The following MUC5B variants were observed in gnomAD, a reference collection of about 807,000 sequenced individuals.
The protein encoded by MUC5B is mucin 5B, oligomeric mucus/gel-forming.
A neutral mutation model predicts 376.9 loss-of-function variants in MUC5B; 116 were observed. The ratio of observed to expected loss-of-function variants is 0.31; its 90% CI spans 0.26 to 0.36. MUC5B has a LOEUF of 0.36. Ranked by LOEUF, MUC5B falls within the 10% of genes least tolerant of loss-of-function variation. The probability of loss-of-function intolerance (pLI) is 1.00; values close to 1 mark genes in which losing one functional copy is unlikely to be tolerated. For synonymous variants in MUC5B, 3,517 were observed against 3,390.9 expected (o/e 1.04, Z -1.29); for missense variants, 7,165 against 7,769.9 (o/e 0.92, Z 2.93).
rs746762399 is a variant in MUC5B at position 1,250,702 on chromosome 11, A to C, written c.13822A>C (p.Ser4608Arg). The C allele has an allele frequency of 1.5e-5, 24 of 1,612,544 alleles. No homozygotes were observed. The highest frequency in any genetic ancestry group is 2.0e-5 in the Non-Finnish European group (23 of 1,179,448). ...GGGCTTCACAGCCACCCCCTCCTCC[A>C]GCCCAGGGACGGCACTCACGCCTCC... Reference protein sequence around the residue: ...TTGFTATPSSSPGTALTPPVW... With the variant: ...TTGFTATPSSRPGTALTPPVW... The change falls in exon 31 of 49, where the codon AGC (serine) becomes CGC (arginine). Residue 4608 changes from serine (S) to arginine (R), a missense_variant. By Grantham distance (110) the Ser-to-Arg change is moderately radical. Coordinates refer to ENST00000529681, the MANE Select transcript of MUC5B (RefSeq NM_002458.3).
rs55859402 is a variant in MUC5B at position 1,233,859 on chromosome 11, CCCCTGCCCTG to C, written c.2377+25_2377+34del. ...TGCAGAAAAGCACAGGTAAGTGCCA[CCCCTGCCCTG>C]CCCTGCCCTGCCCCGCCCCGCATCA... is the stretch of plus-strand genomic sequence containing the variant. On this transcript the variant is annotated intron_variant, in intron 19 of 48. Transcript: ENST00000529681. 7.7e-6 allele frequency: 12 copies of C among 1,568,244 alleles called. No homozygotes were observed. Among genetic ancestry groups the C allele is most frequent in the African/African-American group, 4.1e-5 (3 of 73,762 alleles).
rs764495803 is a variant in MUC5B, at chr11:1,251,153, T to C, written c.14273T>C (p.Leu4758Pro). ...TTTACACCCATCCCCTCCTCCACCC[T>C]GTGGACCACGTGGACCGTCCCAGCA... ...TSFTPIPSST[L>P]WTTWTVPAQT... Residue 4758 changes from leucine to proline, a missense_variant, in exon 31 of 49, where the codon CTG (leucine) becomes CCG (proline). This residue lies in a region of MUC5B where 730 missense variants were observed against 592.7 expected (regional missense o/e 1.23). Transcript: ENST00000529681. The C allele has an allele frequency of 2.2e-5, 35 of 1,610,896 alleles. No homozygotes were observed. Among genetic ancestry groups the C allele is most frequent in the Middle Eastern group, 3.3e-4 (2 of 6,080 alleles).
Position 1,259,743 on chromosome 11 carries a change from CAT to C in MUC5B, c.16714-12_16714-11del. On this transcript the variant is annotated splice_polypyrimidine_tract_variant and intron_variant, in intron 44 of 48. Coordinates refer to ENST00000529681, the MANE Select transcript of MUC5B (RefSeq NM_002458.3). ...GAGAGGGTTAGGGCCTGACGCCCCT[CAT>C]GTCCCCACAGGGCTTTGAGTACAAG... 1.2e-6 allele frequency: 2 copies of C among 1,612,122 alleles called. No individual in the cohort carries two copies. Among genetic ancestry groups the C allele is most frequent in the Non-Finnish European group, 1.7e-6 (2 of 1,179,504 alleles).
Position 1,247,543 on chromosome 11 carries a change from C to T in MUC5B, c.10663C>T (p.Pro3555Ser), listed in dbSNP as rs756220861. ...CAAGACCCGCACCTCGACCCTGCTG[C>T]CCAGCAGCCCCACATCGGCCCCCAT... ...PSKTRTSTLL[P>S]SSPTSAPITT... Residue 3555 changes from proline to serine, a missense_variant, in exon 31 of 49, where the codon CCC (proline) becomes TCC (serine). Around this residue, in one of 31 missense-constraint regions of MUC5B, gnomAD observed 939 missense variants for 770.6 expected, o/e 1.22. Coordinates refer to ENST00000529681, the MANE Select transcript of MUC5B (RefSeq NM_002458.3). 2 of 1,611,014 alleles carry T rather than the reference C, an allele frequency of 1.2e-6. No homozygotes were observed. The highest frequency in any genetic ancestry group is 2.2e-5 in the South Asian group (2 of 90,952).
Position 1,240,072 on chromosome 11 carries a change from C to A in MUC5B, c.3756C>A (p.Cys1252Ter). ...ACTGCACACCCAGTGGCATCCAGTG[C>A]GCTCACAGCCTTGAGGGTAAGGAAG... The part of the protein sequence containing the change: ...SCNCTPSGIQ[C>*]AHSLEACTCT... The change falls in exon 29 of 49, where the codon TGC becomes TGA. Residue 1252 changes from cysteine (C) to a stop codon, truncating the protein, a stop_gained. Coordinates refer to ENST00000529681, the MANE Select transcript of MUC5B (RefSeq NM_002458.3). LOFTEE classifies it high-confidence loss of function. 6.4e-7 allele frequency: 1 copy of A among 1,567,080 alleles called. No individual in the cohort carries two copies. The highest frequency in any genetic ancestry group is 8.7e-7 in the Non-Finnish European group (1 of 1,154,988).
chr11:1,235,804 C>A (rs766401313), intron 23 of MUC5B, among the ~76,000 whole-genome samples: 1 of 151,748 alleles, frequency 6.6e-6, no homozygotes, highest in South Asian at 2.1e-4. Context: ...GGCCCCCCCC[C>A]GCCCCCACGT....
rs1564937858 is a variant in MUC5B at position 1,240,352 on chromosome 11, C to T, written c.3947C>T (p.Ala1316Val). Residue 1316 changes from alanine (A) to valine (V), a missense_variant, in exon 30 of 49, where the codon GCC becomes GTC. By Grantham distance (64) the Ala-to-Val change is moderately conservative (BLOSUM62 0). This residue lies in a region of MUC5B where 517 missense variants were observed against 545.3 expected (regional missense o/e 0.95). Transcript: ENST00000529681. ...ACAACGCCATTCACCTTCACCACCG[C>T]CTGGGTCCCCCACTCCACGACAAGT... The part of the protein sequence containing the change: ...PATTPFTFTT[A>V]WVPHSTTSPA... The T allele has an allele frequency of 4.4e-6, 7 of 1,603,756 alleles. No homozygotes were observed. The highest frequency in any genetic ancestry group is 6.0e-6 in the Non-Finnish European group (7 of 1,172,630).
chr11:1,247,153 A>C lies in MUC5B; in HGVS notation c.10273A>C (p.Thr3425Pro). ...IPPVLTTTAT[T>P]PAATSSTVTP... ...CCCAGTGCTGACCACCACCGCCACCACACCTGCAGCCACCAGCAGCACAGT... is the reference window on the plus strand; with the variant it reads ...CCCAGTGCTGACCACCACCGCCACCCCACCTGCAGCCACCAGCAGCACAGT... Residue 3425 changes from threonine (T) to proline (P), a missense_variant, in exon 31 of 49, where the codon ACA becomes CCA. Physicochemically the swap from Thr to Pro is conservative, Grantham distance 38. Around this residue, in one of 31 missense-constraint regions of MUC5B, gnomAD observed 939 missense variants for 770.6 expected, o/e 1.22. Transcript: ENST00000529681. The C allele has an allele frequency of 6.5e-7, 1 of 1,539,696 alleles. No individual in the cohort carries two copies. The highest frequency in any genetic ancestry group is 1.9e-5 in the Admixed American group (1 of 52,802).
rs369966078 is a variant in MUC5B at position 1,239,554 on chromosome 11, C to T, written c.3571C>T (p.Pro1191Ser). ...CAGTGGGCACTGCCTGGTGGACCTG[C>T]CTGGCCTGGAAGGTGAGGGGCAGCC... ...NPSGHCLVDLPGLEGCYPKCP... is the reference protein window; with the variant it reads ...NPSGHCLVDLSGLEGCYPKCP... Residue 1191 changes from proline to serine, a missense_variant, in exon 27 of 49, where the codon CCT becomes TCT. Physicochemically the swap from Pro to Ser is moderately conservative, Grantham distance 74. Coordinates refer to ENST00000529681, the MANE Select transcript of MUC5B (RefSeq NM_002458.3). 2.8e-5 allele frequency: 44 copies of T among 1,579,954 alleles called. No individual in the cohort carries two copies. The African/African-American group carries it at 5.7e-4, about 20-fold the overall frequency.
At position 1,226,688 on chromosome 11, in the gene MUC5B, C is replaced by T. The variant is rs768462213; in HGVS notation, c.273C>T (p.Asp91=). 8 of 1,612,512 alleles carry T rather than the reference C, an allele frequency of 5.0e-6. No individual in the cohort carries two copies. The African/African-American group carries it at 8.0e-5, about 16-fold the overall frequency. ...TCCACTACAAGACCTTCGACGGCGA[C>T]GTCTTCCGCTTCCCTGGCCTTTGCA... The part of the protein sequence containing the change: ...GDFHYKTFDG[D]VFRFPGLCNY... Residue 91 remains aspartate (D), a synonymous_variant, in exon 4 of 49, where the codon GAC becomes GAT. Coordinates refer to ENST00000529681, the MANE Select transcript of MUC5B (RefSeq NM_002458.3).
chr11:1,240,538 C>A (rs1418756359), intron 30 of MUC5B, among the ~76,000 whole-genome samples, 163 bp downstream of exon 30: 1 of 152,180 alleles, frequency 6.6e-6, no homozygotes, highest in African/African-American at 2.4e-5. Flanking sequence ...CTGCGTGTCT[C>A]CAGGGGCTCC....
chr11:1,246,776 C>A lies in MUC5B; in HGVS notation c.9896C>A (p.Thr3299Asn), dbSNP rs200737515. The change falls in exon 31 of 49, where the codon ACC (threonine) becomes AAC (asparagine). Residue 3299 changes from threonine to asparagine, a missense_variant. Physicochemically the swap from Thr to Asn is moderately conservative, Grantham distance 65. This residue lies in a region of MUC5B where 939 missense variants were observed against 770.6 expected (regional missense o/e 1.22). Coordinates refer to ENST00000529681, the MANE Select transcript of MUC5B (RefSeq NM_002458.3). Reference sequence around the variant, plus strand: ...GGCTCTGTGGCCACCCCCTCCTCCACCCCAGGAACAGCTCACACTACCAAA... The same window carrying A: ...GGCTCTGTGGCCACCCCCTCCTCCAACCCAGGAACAGCTCACACTACCAAA... The part of the protein sequence containing the change: ...ATGSVATPSS[T>N]PGTAHTTKVP... The A allele has an allele frequency of 4.4e-6, 7 of 1,605,780 alleles. No individual in the cohort carries two copies. In the Admixed American group the frequency reaches 8.4e-5, roughly 19 times the overall value.
chr11:1,232,467 T>C lies in MUC5B; in HGVS notation c.1861T>C (p.Trp621Arg), dbSNP rs1023625023. 4.4e-6 allele frequency: 7 copies of C among 1,608,712 alleles called. No homozygotes were observed. Among genetic ancestry groups the C allele is most frequent in the African/African-American group, 4.0e-5 (3 of 74,744 alleles). ...CCCCACAGAGAACTACGCCCGGCAC[T>C]GGTGCTCGCGCCTGACCGATCCCAA... ...SVENENYARH[W>R]CSRLTDPNSA... The change falls in exon 16 of 49, where the codon TGG (tryptophan) becomes CGG (arginine). Residue 621 changes from tryptophan to arginine, a missense_variant. Trp to Arg is a moderately radical substitution (Grantham distance 101). Around this residue, in one of 31 missense-constraint regions of MUC5B, gnomAD observed 530 missense variants for 604.0 expected, o/e 0.88. Coordinates refer to ENST00000529681, the MANE Select transcript of MUC5B (RefSeq NM_002458.3).
chr11:1,252,456 G>A lies in MUC5B; in HGVS notation c.14977G>A (p.Val4993Met), dbSNP rs753336092. 1.9e-5 allele frequency: 30 copies of A among 1,609,558 alleles called. No homozygotes were observed. Among genetic ancestry groups the A allele is most frequent in the Non-Finnish European group, 2.4e-5 (28 of 1,178,166 alleles). The change falls in exon 32 of 49, where the codon GTG becomes ATG. Residue 4993 changes from valine (V) to methionine (M), a missense_variant. Coordinates refer to ENST00000529681, the MANE Select transcript of MUC5B (RefSeq NM_002458.3). ...QGACPTSPPP[V>M]SSAPLSSPSP... ...CGCCTGTCCCACCTCCCCACCGCCA[G>A]TGTCCTCCGCCCCGCTGTCCTCGCC...
chr11:1,225,559 A>C, intron 1 of MUC5B, 122 bp from the exon 2 acceptor site: 1 of 843,328 alleles, frequency 1.2e-6, no homozygotes, highest in Middle Eastern at 2.3e-4. Context: ...CAGGGCATGG[A>C]GACCGCCACC....
rs79585387 is a variant in MUC5B, at chr11:1,238,984, C to T, written c.3411C>T (p.His1137=). 7.0e-6 allele frequency: 11 copies of T among 1,571,080 alleles called. No homozygotes were observed. The highest frequency in any genetic ancestry group is 1.2e-5 in the South Asian group (1 of 85,670). The change falls in exon 26 of 49, where the codon CAC becomes CAT. Residue 1137 remains histidine (H), a synonymous_variant. Transcript: ENST00000529681. ...TAVAAYAQAC[H]DAGLCVSWRT... is the part of the protein sequence containing the mutation. ...TGGCTGCCTACGCCCAGGCCTGCCA[C>T]GACGCGGGCCTGTGTGTGTCCTGGC...
At chr11:1,228,193 C>T (rs527530719) in intron 7 of MUC5B, among the ~76,000 whole-genome samples, 4 of 152,316 alleles carry the variant, frequency 2.6e-5, no homozygotes, top group East Asian at 3.9e-4. Context: ...GCCCCGCAGC[C>T]GGCAGCCCTG....
chr11:1,230,720 G>C, intron 12 of MUC5B, 120 bp downstream of exon 12: 1 of 981,522 alleles, frequency 1.0e-6, no homozygotes, highest in Non-Finnish European at 1.5e-6. Context: ...CAGCCCCCAG[G>C]CCAGGTCCCC....
chr11:1,225,332 C>G (rs765402516), intron 1 of MUC5B, among the ~76,000 whole-genome samples: 9 of 152,256 alleles, frequency 5.9e-5, no homozygotes, highest in Non-Finnish European at 1.0e-4. Context: ...TTTTCTCCCC[C>G]ATCCCTTGAG....
Sources: gnomAD v4.1 joint callset for allele counts (sites outside exome capture counted in the v4.1 genomes callset) on GRCh38, gnomAD v4.1.1 for gene constraint, gnomAD v4.1.1 regional missense constraint, MANE v1.5 for transcripts, NCBI Gene and HGNC (gene_info 2026-07-23, HGNC 2026-07-21) for gene names.